PSME3IP1: variants seen among roughly 807,000 people sequenced by gnomAD.
PSME3IP1 encodes the protein PSME3-interacting protein.
PSME3IP1 carries 13 observed loss-of-function variants against 34.1 expected under a neutral mutation model. The ratio of observed to expected loss-of-function variants is 0.38; its 90% confidence interval spans 0.25 to 0.61. PSME3IP1 has a LOEUF of 0.61. Ranked by LOEUF, PSME3IP1 falls within the 20% of genes least tolerant of loss-of-function variation. The pLI, the probability that PSME3IP1 is intolerant of heterozygous loss-of-function variation, is 0.60. For missense variants in PSME3IP1, 237 were observed against 301.4 expected (o/e 0.79, Z 1.58); for synonymous variants, 93 against 114.3 (o/e 0.81, Z 1.19).
At chr16:57,165,080 T>C (rs999575584) in intron 5 of PSME3IP1, among the ~76,000 whole-genome samples, 1 of 149,668 alleles carries the variant, frequency 6.7e-6, no homozygotes, top group Non-Finnish European at 1.5e-5. Flanking sequence ...AATCAGAGTA[T>C]ACAAAACCAC....
intron 1 of PSME3IP1, among the ~76,000 whole-genome samples, chr16:57,180,997 C>T (rs1414511471): frequency 1.3e-5 from 2 of 151,972 alleles, no homozygotes; most frequent in Admixed American, 6.6e-5. Context: ...GCTATGAGGG[C>T]CATTGCACTA....
intron 6 of PSME3IP1, among the ~76,000 whole-genome samples, chr16:57,158,235 T>C (rs1442060753): frequency 6.6e-6 from 1 of 152,188 alleles, no homozygotes; most frequent in African/African-American, 2.4e-5. Context: ...TTGTAGTACT[T>C]ATGTATACCA....
Position 57,153,770 on chromosome 16 carries a change from C to G in PSME3IP1, c.*520G>C, listed in dbSNP as rs1190467722. 1 of 154,764 alleles carries G rather than the reference C, an allele frequency of 6.5e-6. No individual in the cohort carries two copies. The highest frequency in any genetic ancestry group is 1.9e-4 in the East Asian group (1 of 5,224). The allele number at this position is 154,764 out of a possible 1,614,324, so 9.6% of individuals were successfully genotyped here. A position where few individuals can be genotyped will look rare whatever the true frequency, so the allele number is the denominator to read the frequency against. On this transcript the variant is annotated 3_prime_UTR_variant, in exon 7 of 7. Coordinates refer to ENST00000309137, the MANE Select transcript of PSME3IP1 (RefSeq NM_024946.4). ...TCATCTTTACTTAGTCACACAACAT[C>G]AAGGACTGGTTAGTTCCAGGGAAGG...
chr16:57,167,068 C>T, intron 5 of PSME3IP1, 25 bp downstream of exon 5: 1 of 1,611,822 alleles, frequency 6.2e-7, no homozygotes, highest in Non-Finnish European at 8.5e-7. Flanking sequence ...AGAGAGAAAT[C>T]TGAGTTGTGT....
intron 6 of PSME3IP1, 30 bp downstream of exon 6, chr16:57,163,971 T>G: frequency 6.2e-7 from 1 of 1,606,640 alleles, no homozygotes; most frequent in Non-Finnish European, 8.5e-7. Flanking sequence ...GTATTCTGAG[T>G]ACAAGGAAGT....
intron 1 of PSME3IP1, among the ~76,000 whole-genome samples, chr16:57,184,393 T>C (rs924770482): frequency 3.9e-5 from 6 of 152,214 alleles, no homozygotes; most frequent in African/African-American, 1.2e-4. Context: ...CATAGTTCCA[T>C]AGAGCATAGT....
chr16:57,176,282 G>A (rs2145880814), intron 1 of PSME3IP1, among the ~76,000 whole-genome samples: 1 of 152,204 alleles, frequency 6.6e-6, no homozygotes, highest in East Asian at 1.9e-4. Flanking sequence ...TATTAACCGT[G>A]TCTCCTTTCT....
intron 6 of PSME3IP1, among the ~76,000 whole-genome samples, chr16:57,155,468 G>A (rs1414680415): frequency 6.6e-6 from 1 of 152,006 alleles, no homozygotes; most frequent in Middle Eastern, 3.2e-3. Flanking sequence ...ACGAGAAAAT[G>A]TTTTGAAAAA....
chr16:57,178,850 A>G, intron 1 of PSME3IP1: 1 of 980,036 alleles, frequency 1.0e-6, no homozygotes, highest in South Asian at 4.7e-5. Flanking sequence ...ATGGCTGTTT[A>G]TTCTGCAAGA....
rs200333306 is a variant in PSME3IP1 at position 57,154,467 on chromosome 16, A to T, written c.588T>A (p.Ser196Arg). The change falls in exon 7 of 7, where the codon AGT becomes AGA. Residue 196 changes from serine to arginine, a missense_variant. Coordinates refer to ENST00000309137, the MANE Select transcript of PSME3IP1 (RefSeq NM_024946.4). The surrounding 1 kb of genome is among the most constrained non-coding windows in gnomAD (Gnocchi z 4.0). ...CAGAGGGGCAGTGGATGGAGGGGCC[A>T]CTCAGGGAGGTGTTTCCGAGAGACT... is the stretch of plus-strand genomic sequence containing the variant. ...SCKSLGNTSL[S>R]GPSIHCPSAA... is the part of the protein sequence containing the mutation. The T allele has an allele frequency of 1.7e-4, 281 of 1,613,332 alleles. No homozygotes were observed. The highest frequency in any genetic ancestry group is 2.3e-4 in the Non-Finnish European group (267 of 1,179,572).
intron 3 of PSME3IP1, 61 bp downstream of exon 3, chr16:57,172,715 G>T: frequency 8.0e-7 from 1 of 1,247,694 alleles, no homozygotes; most frequent in Non-Finnish European, 1.2e-6. Context: ...GCTGCACAAG[G>T]CAAAAGTGCG....
chr16:57,160,291 C>T (rs1380383601), intron 6 of PSME3IP1, among the ~76,000 whole-genome samples: 3 of 144,236 alleles, frequency 2.1e-5, no homozygotes, highest in African/African-American at 5.3e-5. Context: ...AGCGAGACTC[C>T]GTCTCAAAAA....
At chr16:57,165,655 G>A (rs2071781193) in intron 5 of PSME3IP1, among the ~76,000 whole-genome samples, 1 of 152,138 alleles carries the variant, frequency 6.6e-6, no homozygotes, top group South Asian at 2.1e-4. Flanking sequence ...TGCAAGGCCT[G>A]CGAATATAAA....
chr16:57,178,287 A>G (rs1192575294), intron 1 of PSME3IP1, among the ~76,000 whole-genome samples: 1 of 152,172 alleles, frequency 6.6e-6, no homozygotes, highest in Non-Finnish European at 1.5e-5. Context: ...GAATCAGACT[A>G]AAGACCATCT....
chr16:57,172,346 C>T lies in PSME3IP1; in HGVS notation c.253G>A (p.Asp85Asn), dbSNP rs1442007848. 1.1e-5 allele frequency: 18 copies of T among 1,614,014 alleles called. No homozygotes were observed. The highest frequency in any genetic ancestry group is 1.7e-5 in the Admixed American group (1 of 60,008). Reference protein sequence around the residue: ...FKNMVRGLDEDETNFLDEVSR... With the variant: ...FKNMVRGLDENETNFLDEVSR... ...ACCTCATCAAGGAAGTTGGTCTCAT[C>T]TTCATCTAAGCCTCTTACCATGTTT... is the stretch of plus-strand genomic sequence containing the variant. Residue 85 changes from aspartate (D) to asparagine (N), a missense_variant, in exon 4 of 7, where the codon GAT becomes AAT. Transcript: ENST00000309137.
chr16:57,171,838 C>CT (rs1259783611), intron 4 of PSME3IP1, among the ~76,000 whole-genome samples: 2 of 152,184 alleles, frequency 1.3e-5, no homozygotes, highest in East Asian at 3.8e-4. Context: ...ATCTTTGCTG[C>CT]TTTCTCAGCC....
chr16:57,181,097 A>G (rs1258857248), intron 1 of PSME3IP1, among the ~76,000 whole-genome samples: 1 of 152,318 alleles, frequency 6.6e-6, no homozygotes, highest in African/African-American at 2.4e-5. Context: ...TTATCTTTCC[A>G]TAGCACAAGG....
At position 57,165,153 on chromosome 16, in the gene PSME3IP1, T is replaced by TTATATATATA. The variant is rs142649591; in HGVS notation, c.483-1098_483-1089dup. On this transcript the variant is annotated intron_variant, in intron 5 of 6. Coordinates refer to ENST00000309137, the MANE Select transcript of PSME3IP1 (RefSeq NM_024946.4). The stretch of plus-strand genomic sequence containing the variant: ...ATATTTTGCAGCCTCTAAGACACTG[T>TTATATATATA]TATATATATATATATATATCATCAT... Among the ~76,000 whole-genome samples the TTATATATATA allele has an allele frequency of 3.2e-3, 475 of 147,662 alleles. 2 individuals carry two copies. The highest frequency in any genetic ancestry group is 0.011 in the African/African-American group (460 of 40,514).
In PSME3IP1 at chr16:57,172,356, G is replaced by A; in HGVS notation, c.243C>T (p.Gly81=). The part of the protein sequence containing the change: ...EQFKFKNMVR[G]LDEDETNFLD... ...GGAAGTTGGTCTCATCTTCATCTAAGCCTCTTACCATGTTTTCTGAGGAAA... is the reference window on the plus strand; with the variant it reads ...GGAAGTTGGTCTCATCTTCATCTAAACCTCTTACCATGTTTTCTGAGGAAA... The change falls in exon 4 of 7, where the codon GGC becomes GGT. Residue 81 remains glycine, a synonymous_variant. Transcript: ENST00000309137. The A allele has an allele frequency of 6.2e-7, 1 of 1,613,774 alleles. No homozygotes were observed. Among genetic ancestry groups the A allele is most frequent in the South Asian group, 1.1e-5 (1 of 91,072 alleles).
Sources: gnomAD v4.1 joint callset for allele counts (sites outside exome capture counted in the v4.1 genomes callset) on GRCh38, gnomAD v4.1.1 for gene constraint, Gnocchi (gnomAD v3.1) non-coding constraint, MANE v1.5 for transcripts, NCBI Gene and HGNC (gene_info 2026-07-23, HGNC 2026-07-21) for gene names.